The following ADGRB3 variants were observed in gnomAD, a reference collection of about 807,000 sequenced individuals.
ADGRB3 encodes adhesion G protein-coupled receptor B3.
A neutral mutation model predicts 193.4 loss-of-function variants in ADGRB3; 37 were observed. The ratio of observed to expected loss-of-function variants is 0.19; its 90% CI spans 0.15 to 0.25. The LOEUF (loss-of-function observed/expected upper bound fraction) is 0.25, where lower values mean the gene tolerates loss of function less well. ADGRB3 is among the 10% of genes least tolerant of loss of function. The pLI is 1.00. For synonymous variants in ADGRB3, 690 were observed against 644.2 expected (o/e 1.07, Z -1.08); for missense variants, 1,637 against 1,852.9 (o/e 0.88, Z 2.14).
intron 17 of ADGRB3, among the ~76,000 whole-genome samples, chr6:69,120,077 T>C (rs934655059): frequency 1.3e-4 from 20 of 152,250 alleles, no homozygotes; most frequent in African/African-American, 3.9e-4. Context: ...GATTCATGAA[T>C]AAGTTCAAAA....
chr6:69,051,965 G>A (rs762155408), intron 15 of ADGRB3, among the ~76,000 whole-genome samples: 3 of 152,020 alleles, frequency 2.0e-5, no homozygotes, highest in Non-Finnish European at 2.9e-5. Flanking sequence ...CGCGATCTCC[G>A]CTCACTGCAA....
intron 8 of ADGRB3, among the ~76,000 whole-genome samples, chr6:68,961,731 T>G (rs534056328): frequency 5.9e-5 from 9 of 152,308 alleles, no homozygotes; most frequent in African/African-American, 2.2e-4. Flanking sequence ...TACTCCATAA[T>G]GAAATATTTG....
chr6:68,644,544 A>G (rs2127277346), intron 3 of ADGRB3, among the ~76,000 whole-genome samples: 1 of 152,254 alleles, frequency 6.6e-6, no homozygotes, highest in Middle Eastern at 3.4e-3. Flanking sequence ...TTTGAAGATA[A>G]ACATAAGCTG....
Position 68,760,867 on chromosome 6 carries a change from C to T in ADGRB3, c.757+121435C>T, listed in dbSNP as rs1766383605. On this transcript the variant is annotated intron_variant, in intron 3 of 31. Transcript: ENST00000370598. Reference sequence around the variant, plus strand: ...GTTCTCTGAATAAATTTGTCAGCTGCATTCAACATGCAATTTAGATATGTG... The same window carrying T: ...GTTCTCTGAATAAATTTGTCAGCTGTATTCAACATGCAATTTAGATATGTG... 2.0e-5 allele frequency among the ~76,000 whole-genome samples: 3 copies of T among 152,154 alleles called. No homozygotes were observed. In the South Asian group the frequency reaches 6.2e-4, roughly 32 times the overall value.
At chr6:68,718,073 C>T (rs1288582600) in intron 3 of ADGRB3, among the ~76,000 whole-genome samples, 8 of 151,674 alleles carry the variant, frequency 5.3e-5, no homozygotes, top group Admixed American at 6.6e-5. Context: ...TCAAAATGGG[C>T]TCAAAATCAT....
At chr6:68,691,505 A>T (rs540347917) in intron 3 of ADGRB3, among the ~76,000 whole-genome samples, 130 of 152,136 alleles carry the variant, frequency 8.5e-4, no homozygotes, top group Non-Finnish European at 1.4e-3. Context: ...ATCTCAGTTG[A>T]ATCCTCTGAT....
intron 3 of ADGRB3, among the ~76,000 whole-genome samples, chr6:68,889,941 A>G (rs1766025842): frequency 6.6e-6 from 1 of 152,344 alleles, no homozygotes; most frequent in South Asian, 2.1e-4. Flanking sequence ...ATATCATTAT[A>G]TAGGTATATA....
At chr6:68,960,832 G>A (rs542841893) in intron 8 of ADGRB3, among the ~76,000 whole-genome samples, 1 of 152,244 alleles carries the variant, frequency 6.6e-6, no homozygotes, top group Admixed American at 6.5e-5. Context: ...TCTTGAATGA[G>A]CCTGAGAATC....
chr6:68,989,309 T>C (rs1399882143), intron 10 of ADGRB3, among the ~76,000 whole-genome samples: 4 of 152,070 alleles, frequency 2.6e-5, no homozygotes, highest in Non-Finnish European at 5.9e-5. Context: ...AGTTAAATAA[T>C]TAAAGAATAT....
intron 3 of ADGRB3, among the ~76,000 whole-genome samples, chr6:68,695,856 T>G (rs1765148893): frequency 6.6e-6 from 1 of 152,012 alleles, no homozygotes; most frequent in Non-Finnish European, 1.5e-5. Flanking sequence ...CTTTTGACCC[T>G]ACAGAGGTAA....
rs6909270 is a variant in ADGRB3, at chr6:68,816,728, G to A, written c.758-113831G>A. ...AAATTATTAATATAGTCACACAAAG[G>A]TTATAATTAATGAGAAAAAGAAAAA... On this transcript the variant is annotated intron_variant, in intron 3 of 31. Transcript: ENST00000370598. Among the ~76,000 whole-genome samples, 977 of 151,690 alleles carry A rather than the reference G, an allele frequency of 6.4e-3. 11 individuals carry two copies. Among genetic ancestry groups the A allele is most frequent in the African/African-American group, 0.023 (943 of 41,348 alleles).
intron 15 of ADGRB3, among the ~76,000 whole-genome samples, chr6:69,055,842 G>A (rs757378600): frequency 6.7e-6 from 1 of 150,136 alleles, no homozygotes; most frequent in Non-Finnish European, 1.5e-5. Flanking sequence ...GTTTTGTTTT[G>A]TTTTGTGCAC....
chr6:68,664,107 T>C (rs575333830), intron 3 of ADGRB3, among the ~76,000 whole-genome samples: 10 of 151,964 alleles, frequency 6.6e-5, no homozygotes, highest in African/African-American at 2.4e-4. Flanking sequence ...TTCTCATTTG[T>C]CTTAATTTAC....
chr6:69,195,524 A>G (rs1244161916), intron 17 of ADGRB3, among the ~76,000 whole-genome samples: 2 of 124,422 alleles, frequency 1.6e-5, no homozygotes, highest in South Asian at 2.5e-4. Flanking sequence ...TCCTGTCTCA[A>G]AAAAAAAAAA....
chr6:69,026,016 G>A (rs963775131), intron 13 of ADGRB3, among the ~76,000 whole-genome samples: 4 of 152,192 alleles, frequency 2.6e-5, no homozygotes, highest in African/African-American at 9.7e-5. Context: ...TAATAGATTG[G>A]TAATGATTCA....
intron 31 of ADGRB3, among the ~76,000 whole-genome samples, chr6:69,384,724 G>A (rs1330728009): frequency 2.6e-5 from 4 of 151,992 alleles, no homozygotes; most frequent in Non-Finnish European, 4.4e-5. Flanking sequence ...TGGAAGGTTA[G>A]GAGTGGGGAG....
At chr6:69,081,281 C>T (rs1054920550) in intron 17 of ADGRB3, among the ~76,000 whole-genome samples, 1 of 151,958 alleles carries the variant, frequency 6.6e-6, no homozygotes, top group East Asian at 1.9e-4. Flanking sequence ...AAATACTAGA[C>T]CTTTACATTA....
At chr6:69,147,726 C>A (rs567055950) in intron 17 of ADGRB3, among the ~76,000 whole-genome samples, 1 of 152,054 alleles carries the variant, frequency 6.6e-6, no homozygotes, top group Non-Finnish European at 1.5e-5. Flanking sequence ...ATGTGTCCAA[C>A]GGTGAAAATT....
chr6:68,721,028 G>A (rs1350556851), intron 3 of ADGRB3, among the ~76,000 whole-genome samples: 1 of 151,784 alleles, frequency 6.6e-6, no homozygotes, highest in East Asian at 1.9e-4. Flanking sequence ...ACTGTTGGTG[G>A]GACTGTAAAC....
Sources: allele counts gnomAD v4.1 joint callset (sites outside exome capture counted in the v4.1 genomes callset), GRCh38; gene constraint gnomAD v4.1.1; transcripts MANE v1.5; gene names NCBI Gene and HGNC (gene_info 2026-07-23, HGNC 2026-07-21).